THSD7B: variants seen among roughly 807,000 people sequenced by gnomAD.
The protein encoded by THSD7B is thrombospondin type 1 domain containing 7B, also known as thrombospondin type-1 domain-containing protein 7B.
Under a neutral mutation model 213.6 loss-of-function variants are expected in THSD7B, and 138 were observed. The ratio of observed to expected loss-of-function variants is 0.65; its 90% CI spans 0.56 to 0.74. THSD7B has a LOEUF of 0.74. THSD7B is among the 30% of genes least tolerant of loss of function. The pLI is 0.00. For missense variants in THSD7B, 1,931 were observed against 1,991.5 expected, an observed-to-expected ratio of 0.97 and a Z score of 0.58; for synonymous variants, 742 against 687.0, an observed-to-expected ratio of 1.08 and a Z score of -1.25.
chr2:136,932,839 T>C (rs1484564447), intron 2 of THSD7B, among the ~76,000 whole-genome samples: 1 of 151,964 alleles, frequency 6.6e-6, no homozygotes, highest in Non-Finnish European at 1.5e-5. Flanking sequence ...TTTGTAGAGT[T>C]GGGGGAGAAA....
chr2:137,216,501 G>C (rs1406892749), intron 7 of THSD7B, among the ~76,000 whole-genome samples: 1 of 151,996 alleles, frequency 6.6e-6, no homozygotes, highest in East Asian at 1.9e-4. Flanking sequence ...TAAGGGAAAT[G>C]GAACAGAGTC....
intron 5 of THSD7B, among the ~76,000 whole-genome samples, chr2:137,154,731 TAA>T (rs1221910141): frequency 2.0e-5 from 3 of 152,194 alleles, no homozygotes; most frequent in African/African-American, 7.2e-5. Flanking sequence ...AGTCACATAC[TAA>T]TAATCACAAC....
chr2:137,278,667 T>C (rs1682928456), intron 12 of THSD7B, among the ~76,000 whole-genome samples: 1 of 152,074 alleles, frequency 6.6e-6, no homozygotes, highest in South Asian at 2.1e-4. Flanking sequence ...GGCCTCGAGC[T>C]GTTCACTAGG....
chr2:136,785,236 T>C (rs979713078), intron 1 of THSD7B, among the ~76,000 whole-genome samples: 1 of 152,144 alleles, frequency 6.6e-6, no homozygotes, highest in African/African-American at 2.4e-5. Context: ...CCCTTCACAC[T>C]GCATCCTCTA....
At chr2:137,570,431 C>T (rs1334435257) in intron 16 of THSD7B, among the ~76,000 whole-genome samples, 1 of 152,064 alleles carries the variant, frequency 6.6e-6, no homozygotes, top group African/African-American at 2.4e-5. Context: ...GCCTTAGCCT[C>T]CCGAGTAGCT....
At chr2:137,397,444 G>A (rs941283911) in intron 12 of THSD7B, among the ~76,000 whole-genome samples, 17 of 152,134 alleles carry the variant, frequency 1.1e-4, no homozygotes, top group Admixed American at 1.1e-3. Context: ...GGCTGGATAT[G>A]AAATTCTGGG....
At chr2:136,935,070 G>C (rs890839942) in intron 2 of THSD7B, among the ~76,000 whole-genome samples, 3 of 152,076 alleles carry the variant, frequency 2.0e-5, no homozygotes, top group Non-Finnish European at 2.9e-5. Context: ...TTGATTATGA[G>C]AATAGGATCA....
At chr2:136,799,315 T>G (rs750688222) in intron 1 of THSD7B, among the ~76,000 whole-genome samples, 4 of 152,048 alleles carry the variant, frequency 2.6e-5, no homozygotes, top group Non-Finnish European at 4.4e-5. Flanking sequence ...AAAAAGATTT[T>G]AACATTTAAG....
At chr2:137,474,581 G>A (rs1218429009) in intron 15 of THSD7B, among the ~76,000 whole-genome samples, 1 of 152,132 alleles carries the variant, frequency 6.6e-6, no homozygotes, top group Admixed American at 6.5e-5. Flanking sequence ...CACATCAGGT[G>A]GCAGTCAAGA....
At chr2:137,571,948 A>T (rs1039483893) in intron 16 of THSD7B, among the ~76,000 whole-genome samples, 2 of 152,210 alleles carry the variant, frequency 1.3e-5, no homozygotes, top group Non-Finnish European at 2.9e-5. Flanking sequence ...GAAATTTTAC[A>T]TGGTATCAGA....
In THSD7B at chr2:137,160,365, A is replaced by G; in HGVS notation, c.1522A>G (p.Lys508Glu). ...HENCHDPQGKKGFRTRQRHVL... is the reference protein window; with the variant it reads ...HENCHDPQGKEGFRTRQRHVL... ...AAACTGTCATGATCCTCAGGGGAAA[A>G]AAGGTGAGTGCCTTGTTTGCATGCG... Residue 508 changes from lysine to glutamate, a missense_variant, in exon 6 of 28, where the codon AAA (lysine) becomes GAA (glutamate). Coordinates refer to ENST00000409968, the MANE Select transcript of THSD7B (RefSeq NM_001316349.2). The G allele has an allele frequency of 6.2e-7, 1 of 1,611,632 alleles. No individual in the cohort carries two copies. Among genetic ancestry groups the G allele is most frequent in the Non-Finnish European group, 8.5e-7 (1 of 1,178,976 alleles).
chr2:136,960,220 C>G (rs1685193027), intron 2 of THSD7B, among the ~76,000 whole-genome samples: 1 of 152,108 alleles, frequency 6.6e-6, no homozygotes, highest in Non-Finnish European at 1.5e-5. Context: ...CTCCACCTCC[C>G]AGGCTCAAGT....
chr2:136,773,219 C>G (rs757394829), intron 1 of THSD7B, among the ~76,000 whole-genome samples: 2 of 152,068 alleles, frequency 1.3e-5, no homozygotes, highest in Non-Finnish European at 2.9e-5. Context: ...TGAACATATA[C>G]TGTGTGCCAG....
At chr2:137,413,534 G>T (rs1169292309) in intron 14 of THSD7B, among the ~76,000 whole-genome samples, 3 of 152,214 alleles carry the variant, frequency 2.0e-5, no homozygotes, top group African/African-American at 7.2e-5. Flanking sequence ...ATAAATCTAA[G>T]ATGTGAAAGG....
Position 137,397,533 on chromosome 2 carries a change from C to T in THSD7B, c.2501-8080C>T, listed in dbSNP as rs544660129. ...CTTGTAGGGTTTCTGCCAAGAGATC[C>T]GCTGTTAGTCTGATGGGCTTCCCTT... On this transcript the variant is annotated intron_variant, in intron 12 of 27. Coordinates refer to ENST00000409968, the MANE Select transcript of THSD7B (RefSeq NM_001316349.2). Among the ~76,000 whole-genome samples, 194 of 151,662 alleles carry T rather than the reference C, an allele frequency of 1.3e-3. 5 individuals are homozygous for T. The highest frequency in any genetic ancestry group is 8.9e-3 in the Admixed American group (135 of 15,228).
At chr2:137,337,983 T>C (rs1213292971) in intron 12 of THSD7B, among the ~76,000 whole-genome samples, 3 of 152,070 alleles carry the variant, frequency 2.0e-5, no homozygotes, top group Non-Finnish European at 4.4e-5. Flanking sequence ...TAGTGCTATA[T>C]ACAAATAACC....
chr2:136,766,044 C>T (rs1311685548), intron 1 of THSD7B, among the ~76,000 whole-genome samples: 1 of 152,192 alleles, frequency 6.6e-6, no homozygotes, highest in Admixed American at 6.5e-5. Context: ...TCACCTCCAG[C>T]TTGGTTTGAG....
chr2:137,514,775 A>T lies in THSD7B; in HGVS notation c.3139-48446A>T, dbSNP rs542877616. Among the ~76,000 whole-genome samples, 3 of 152,268 alleles carry T rather than the reference A, an allele frequency of 2.0e-5. No individual in the cohort carries two copies. The East Asian group carries it at 5.8e-4, about 29-fold the overall frequency. ...CTGTGTAGAGATTTATGCAAAATAA[A>T]TGCATTTGACACTCCTGATTCACCA... On this transcript the variant is annotated intron_variant, in intron 15 of 27. Transcript: ENST00000409968.
At chr2:136,928,841 T>C (rs1276425355) in intron 2 of THSD7B, among the ~76,000 whole-genome samples, 3 of 152,206 alleles carry the variant, frequency 2.0e-5, no homozygotes, top group East Asian at 1.9e-4. Flanking sequence ...ACATAATATA[T>C]GCAAAAAGGA....
Sources: gnomAD v4.1 joint callset for allele counts (sites outside exome capture counted in the v4.1 genomes callset) on GRCh38, gnomAD v4.1.1 for gene constraint, MANE v1.5 for transcripts, NCBI Gene and HGNC (gene_info 2026-07-23, HGNC 2026-07-21) for gene names.